Variants in PCAT7 observed in about 807,000 individuals in gnomAD.
PCAT7 encodes the protein prostate cancer associated transcript 7.
At chr9:94,562,309 C>CAAAAAAAAAAAAAAAAAAAAAAAAAA (rs397893359) in intron 2 of PCAT7, among the ~76,000 whole-genome samples, 1 of 72,106 alleles carries the variant, frequency 1.4e-5, no homozygotes, top group Non-Finnish European at 2.6e-5. Flanking sequence ...GACTCCATCT[C>CAAAAAAAAAAAAAAAAAAAAAAAAAA]AAAAAAAAAA....
At position 94,563,575 on chromosome 9, in the gene PCAT7, C is replaced by T. The variant is rs190147315; in HGVS notation, n.441+4423C>T. ...CTCTGCCTTCTTGAATCCCTATCCT[C>T]CACCCACTAGTGTAGGAATTGAAAA... On this transcript the variant is annotated intron_variant and non_coding_transcript_variant, in intron 2 of 8. Transcript: ENST00000647389. The T allele has an allele frequency of 5.4e-6, 6 of 1,117,384 alleles. No homozygotes were observed. The East Asian group carries it at 1.4e-4, about 27-fold the overall frequency. The allele number at this position is 1,117,384 out of a possible 1,614,324, so 69.2% of individuals were successfully genotyped here. A position where few individuals can be genotyped will look rare whatever the true frequency, so the allele number is the denominator to read the frequency against.
chr9:94,557,998 G>A (rs2131435765), intron 1 of PCAT7, among the ~76,000 whole-genome samples: 1 of 152,294 alleles, frequency 6.6e-6, no homozygotes, highest in South Asian at 2.1e-4. Context: ...AAAATGCAAG[G>A]TTAAGAGGTT....
intron 2 of PCAT7, among the ~76,000 whole-genome samples, chr9:94,572,291 T>C (rs1189859680): frequency 2.0e-5 from 3 of 152,130 alleles, no homozygotes; most frequent in Non-Finnish European, 1.5e-5. Context: ...TCTTAGCTGC[T>C]ACATTTGTAT....
At chr9:94,569,629 CCAA>C (rs1164759933) in intron 2 of PCAT7, 2 of 152,146 alleles carry the variant, frequency 1.3e-5, no homozygotes, top group African/African-American at 2.4e-5. Flanking sequence ...TGTGTGGTCA[CCAA>C]CAACGGCTGA....
At chr9:94,560,066 G>A (rs639498) in intron 2 of PCAT7, among the ~76,000 whole-genome samples, 147,705 of 152,316 alleles carry the variant, frequency 0.97, 71,625 homozygotes, top group East Asian at 1. Context: ...TCAAGGCTGC[G>A]GTGAGCTGTG....
chr9:94,559,255 A>G (rs1827057867), intron 2 of PCAT7: 3 of 782,506 alleles, frequency 3.8e-6, no homozygotes, highest in Middle Eastern at 3.8e-4. Flanking sequence ...TGAGCGCACC[A>G]TGCACCTTGC....
intron 2 of PCAT7, chr9:94,569,651 A>C (rs1469375941): frequency 6.6e-6 from 1 of 152,204 alleles, no homozygotes; most frequent in Non-Finnish European, 1.5e-5. Flanking sequence ...GATTTTTAAT[A>C]TGGGCTCTCA....
chr9:94,570,214 A>G (rs1438066678), intron 2 of PCAT7: 1 of 152,200 alleles, frequency 6.6e-6, no homozygotes, highest in African/African-American at 2.4e-5. Context: ...CCCTGAGTCA[A>G]AGCATCTCCC....
intron 2 of PCAT7, chr9:94,569,485 G>C (rs748290390): frequency 6.6e-6 from 1 of 152,228 alleles, no homozygotes; most frequent in Non-Finnish European, 1.5e-5. Flanking sequence ...GAACAGAGGC[G>C]CTCATTCTGC....
chr9:94,563,830 G>A (rs963261325), intron 2 of PCAT7, among the ~76,000 whole-genome samples: 1 of 152,012 alleles, frequency 6.6e-6, no homozygotes, highest in Non-Finnish European at 1.5e-5. Flanking sequence ...AAAAAAGCAG[G>A]GGCTGCAATC....
intron 1 of PCAT7, chr9:94,555,331 T>C (rs1826992289): frequency 6.6e-6 from 1 of 151,588 alleles, no homozygotes; most frequent in Non-Finnish European, 1.5e-5. Context: ...GAAGATAGTT[T>C]TGGGATAGAT....
At chr9:94,570,187 G>C (rs1198551080) in intron 2 of PCAT7, 1 of 152,230 alleles carries the variant, frequency 6.6e-6, no homozygotes. Context: ...CTGTGCCTGG[G>C]AATCTTTGAA....
At chr9:94,571,542 C>A in intron 2 of PCAT7, 1 of 1,613,788 alleles carries the variant, frequency 6.2e-7, no homozygotes, top group Non-Finnish European at 8.5e-7. Context: ...GCATAACCTG[C>A]GGCCACAATA....
intron 2 of PCAT7, chr9:94,567,477 C>G: frequency 1.3e-6 from 2 of 1,581,934 alleles, no homozygotes; most frequent in South Asian, 2.3e-5. Context: ...ACAATCCCCA[C>G]ATCAGAGCAG....
At chr9:94,574,456 T>C (rs1240696595) in intron 3 of PCAT7, among the ~76,000 whole-genome samples, 3 of 152,162 alleles carry the variant, frequency 2.0e-5, no homozygotes, top group African/African-American at 7.2e-5. Context: ...TTTTATTTTG[T>C]AAGTTGTCTC....
rs78550762 is a variant in PCAT7, at chr9:94,558,642, G to A, written n.258-327G>A. The A allele has an allele frequency of 1.5e-3, 525 of 352,226 alleles. 5 individuals carry two copies. Among genetic ancestry groups the A allele is most frequent in the African/African-American group, 0.011 (493 of 46,430 alleles). 21.8% of individuals were successfully genotyped at this position (352,226 alleles called of 1,614,324 possible). A position where few individuals can be genotyped will look rare whatever the true frequency, so the allele number is the denominator to read the frequency against. On this transcript the variant is annotated intron_variant and non_coding_transcript_variant, in intron 1 of 8. Transcript: ENST00000647389. ...ACTCTTTGCCCACAAGCATGCAGCC[G>A]CCAATTATGTGGGTTGACAGACGGA...
intron 2 of PCAT7, among the ~76,000 whole-genome samples, chr9:94,566,397 G>A (rs1827190522): frequency 6.6e-6 from 1 of 152,402 alleles, no homozygotes. Context: ...AATAGCACGA[G>A]TGATCTGTGC....
chr9:94,571,266 C>G (rs1564183274), intron 2 of PCAT7, among the ~76,000 whole-genome samples: 1 of 152,284 alleles, frequency 6.6e-6, no homozygotes, highest in South Asian at 2.1e-4. Context: ...CACTCCTCCC[C>G]CCGAGTGCCC....
At chr9:94,563,428 C>T (rs764373994) in intron 2 of PCAT7, 1 of 1,613,842 alleles carries the variant, frequency 6.2e-7, no homozygotes, top group Non-Finnish European at 8.5e-7. Flanking sequence ...ACCATGGAGC[C>T]CACATACCTG....
Sources: allele counts gnomAD v4.1 joint callset (sites outside exome capture counted in the v4.1 genomes callset), GRCh38; gene constraint gnomAD v4.1.1; transcripts MANE v1.5; gene names NCBI Gene and HGNC (gene_info 2026-07-23, HGNC 2026-07-21).